The following PIGT variants were observed in gnomAD, a reference collection of about 807,000 sequenced individuals.
PIGT encodes the protein phosphatidylinositol glycan anchor biosynthesis class T.
A neutral mutation model predicts 66.7 loss-of-function variants in PIGT; 57 were observed. That is an observed-to-expected ratio of 0.86 (90% confidence interval 0.69 to 1.07). The LOEUF is 1.07. Among genes scored for constraint, PIGT ranks in the 50% least tolerant of loss-of-function variants. The pLI is 0.00. For synonymous variants in PIGT, 362 were observed against 320.5 expected (o/e 1.13, Z -1.38); for missense variants, 725 against 740.4 (o/e 0.98, Z 0.24).
intron 11 of PIGT, 34 bp downstream of exon 11, chr20:45,424,613 T>C: frequency 6.4e-7 from 1 of 1,550,960 alleles, no homozygotes; most frequent in East Asian, 2.2e-5. Flanking sequence ...TAACACATCC[T>C]CAGCTGCCTG....
chr20:45,424,088 C>T, intron 9 of PIGT, 128 bp from the exon 10 acceptor site: 2 of 762,154 alleles, frequency 2.6e-6, no homozygotes, highest in South Asian at 1.6e-5. Context: ...CCTTGCCTGC[C>T]TGGCTTCTAT....
intron 6 of PIGT, 40 bp downstream of exon 6, chr20:45,420,263 A>G: frequency 6.3e-7 from 1 of 1,597,314 alleles, no homozygotes; most frequent in South Asian, 1.1e-5. Flanking sequence ...CACCCATGCC[A>G]GCCCTGCCTT....
In PIGT at chr20:45,425,806, C is replaced by A. The variant is rs774183841; in HGVS notation, c.1717C>A (p.Arg573=). 1.2e-6 allele frequency: 2 copies of A among 1,613,616 alleles called. No individual in the cohort carries two copies. Among genetic ancestry groups the A allele is most frequent in the Non-Finnish European group, 1.7e-6 (2 of 1,179,852 alleles). The change falls in exon 12 of 12, where the codon CGA becomes AGA. Residue 573 remains arginine (R), a synonymous_variant. Transcript: ENST00000279036. ...GCTGGCCAACCTTATCCGGCGCGCC[C>A]GAGGTGTCCCCCCACTCTGATTCTT... ...KRLANLIRRA[R]GVPPL
chr20:45,421,355 T>G, intron 8 of PIGT, 28 bp from the exon 9 acceptor site: 1 of 1,594,052 alleles, frequency 6.3e-7, no homozygotes, highest in Non-Finnish European at 8.6e-7. Context: ...CTTTGGCAGC[T>G]GTTAACTGTT....
intron 3 of PIGT, 135 bp from the exon 4 acceptor site, chr20:45,419,160 C>T (rs182320680): frequency 1.2e-5 from 13 of 1,057,734 alleles, no homozygotes; most frequent in Non-Finnish European, 1.8e-5. Flanking sequence ...GGGAGTCCTA[C>T]TCCCAGTTGG....
Position 45,420,514 on chromosome 20 carries a change from C to G in PIGT, c.868-14C>G, listed in dbSNP as rs759251620. The G allele has an allele frequency of 6.2e-7, 1 of 1,613,782 alleles. No homozygotes were observed. The highest frequency in any genetic ancestry group is 1.1e-5 in the South Asian group (1 of 91,078). On this transcript the variant is annotated splice_polypyrimidine_tract_variant and intron_variant, in intron 7 of 11. Coordinates refer to ENST00000279036, the MANE Select transcript of PIGT (RefSeq NM_015937.6). ...CTCTCTGCTTGCTTCTTAGCCCTGC[C>G]TTTGTGTCCCCAGGACAACGAGACA...
At chr20:45,424,171 G>A (rs1990563217) in intron 9 of PIGT, 45 bp from the exon 10 acceptor site, 4 of 1,587,770 alleles carry the variant, frequency 2.5e-6, no homozygotes, top group South Asian at 1.1e-5. Flanking sequence ...GCAGCAGGTA[G>A]CCTGACCCCA....
rs1990266205 is a variant in PIGT, at chr20:45,420,205, A to G, written c.751A>G (p.Thr251Ala). ...GTCAGTTGTATTTGATGCCTTCATC[A>G]CGGGGCAGGGAAAGAAAGGTAAGTT... is the stretch of plus-strand genomic sequence containing the variant. ...TLSVVFDAFI[T>A]GQGKKDWSLF... is the part of the protein sequence containing the mutation. Residue 251 changes from threonine to alanine, a missense_variant, in exon 6 of 12, where the codon ACG (threonine) becomes GCG (alanine). Coordinates refer to ENST00000279036, the MANE Select transcript of PIGT (RefSeq NM_015937.6). The G allele has an allele frequency of 6.2e-7, 1 of 1,611,756 alleles. No homozygotes were observed. The highest frequency in any genetic ancestry group is 8.5e-7 in the Non-Finnish European group (1 of 1,178,856).
Position 45,421,661 on chromosome 20 carries a change from C to T in PIGT, c.1234+78C>T, listed in dbSNP as rs1044200962. ...CCAGGTCCCCCAAACTCTCATTTCC[C>T]AGGGTAGTTCCTGAAGTACCTCTGA... On this transcript the variant is annotated intron_variant, in intron 9 of 11. Transcript: ENST00000279036. 5.0e-6 allele frequency: 6 copies of T among 1,200,798 alleles called. No homozygotes were observed. In the Admixed American group the frequency reaches 7.9e-5, roughly 16 times the overall value. The allele number at this position is 1,200,798 out of a possible 1,614,324, so 74.4% of individuals were successfully genotyped here.
At chr20:45,425,378 C>T in intron 11 of PIGT, 196 bp from the exon 12 acceptor site, 1 of 590,368 alleles carries the variant, frequency 1.7e-6, no homozygotes, top group African/African-American at 1.9e-5. Context: ...TCCTAATGCT[C>T]TCCCTCCCCT....
intron 9 of PIGT, chr20:45,422,603 AAT>A (rs1491150479): frequency 5.3e-5 from 8 of 151,922 alleles, no homozygotes; most frequent in African/African-American, 1.9e-4. Context: ...CCATGCCTTT[AAT>A]TTTTTCACAG....
rs752927851 is a variant in PIGT, at chr20:45,421,444, G to A, written c.1095G>A (p.Lys365=). Residue 365 remains lysine, a synonymous_variant, in exon 9 of 12, where the codon AAG becomes AAA. Coordinates refer to ENST00000279036, the MANE Select transcript of PIGT (RefSeq NM_015937.6). ...QRYVSGYGLQ[K]GELSTLLYNT... ...ACGTGAGTGGCTATGGGCTGCAGAA[G>A]GGGGAGCTGAGCACACTGCTGTACA... The A allele has an allele frequency of 6.2e-7, 1 of 1,614,064 alleles. No homozygotes were observed. Among genetic ancestry groups the A allele is most frequent in the Non-Finnish European group, 8.5e-7 (1 of 1,180,034 alleles).
chr20:45,422,016 AT>A (rs962037296), intron 9 of PIGT: 4 of 152,072 alleles, frequency 2.6e-5, no homozygotes, highest in African/African-American at 7.2e-5. Flanking sequence ...AGTTAATTAA[AT>A]TTTTTTATTT....
Position 45,425,921 on chromosome 20 carries a change from T to G in PIGT, c.*95T>G. ...CACTTGCTCTCCTCAGAGTTGGCTTTTGAACCAAAGTGCCCTGGACCAGGT... is the reference window on the plus strand; with the variant it reads ...CACTTGCTCTCCTCAGAGTTGGCTTGTGAACCAAAGTGCCCTGGACCAGGT... On this transcript the variant is annotated 3_prime_UTR_variant, in exon 12 of 12. Transcript: ENST00000279036. 6.9e-7 allele frequency: 1 copy of G among 1,451,824 alleles called. No homozygotes were observed. Among genetic ancestry groups the G allele is most frequent in the South Asian group, 1.4e-5 (1 of 73,570 alleles). 89.9% of individuals were successfully genotyped at this position (1,451,824 alleles called of 1,614,324 possible).
At position 45,421,411 on chromosome 20, in the gene PIGT, C is replaced by G. The variant is rs776457900; in HGVS notation, c.1062C>G (p.Ala354=). 3 of 1,614,068 alleles carry G rather than the reference C, an allele frequency of 1.9e-6. 1 individual carries two copies. Among genetic ancestry groups the G allele is most frequent in the South Asian group, 2.2e-5 (2 of 91,080 alleles). The change falls in exon 9 of 12, where the codon GCC becomes GCG. Residue 354 remains alanine (A), a synonymous_variant. Coordinates refer to ENST00000279036, the MANE Select transcript of PIGT (RefSeq NM_015937.6). ...NEAPPVPFLH[A]QRYVSGYGLQ... ...CCCCCCCAGTGCCCTTCCTGCATGC[C>G]CAGCGGTACGTGAGTGGCTATGGGC...
rs1990386623 is a variant in PIGT at position 45,421,821 on chromosome 20, G to A, written c.1234+238G>A. On this transcript the variant is annotated intron_variant, in intron 9 of 11. Coordinates refer to ENST00000279036, the MANE Select transcript of PIGT (RefSeq NM_015937.6). ...AATACTGGTGATTCTTAATAGGACTGTACAAGGACAGTAGCTTCCTTTTTC... is the reference window on the plus strand; with the variant it reads ...AATACTGGTGATTCTTAATAGGACTATACAAGGACAGTAGCTTCCTTTTTC... 4.6e-5 allele frequency: 23 copies of A among 498,150 alleles called. No individual in the cohort carries two copies. The South Asian group carries it at 5.8e-4, about 12-fold the overall frequency. 30.9% of individuals were successfully genotyped at this position (498,150 alleles called of 1,614,324 possible).
rs774063871 is a variant in PIGT at position 45,416,266 on chromosome 20, C to A, written c.110C>A (p.Thr37Asn). The change falls in exon 1 of 12, where the codon ACC (threonine) becomes AAC (asparagine). Residue 37 changes from threonine (T) to asparagine (N), a missense_variant. Around this residue, in one of 3 missense-constraint regions of PIGT, gnomAD observed 559 missense variants for 552.7 expected, o/e 1.01. Coordinates refer to ENST00000279036, the MANE Select transcript of PIGT (RefSeq NM_015937.6). ...AGCCTGCGGGAGGAACTTGTCATCA[C>A]CCCGCTGCCTTCCGGGGACGTAGCC... ...RDSLREELVI[T>N]PLPSGDVAAT... The A allele has an allele frequency of 9.4e-6, 15 of 1,595,138 alleles. No homozygotes were observed. The highest frequency in any genetic ancestry group is 2.7e-5 in the African/African-American group (2 of 74,532).
chr20:45,419,977 CG>C, intron 5 of PIGT, 158 bp from the exon 6 acceptor site: 3 of 626,142 alleles, frequency 4.8e-6, no homozygotes, highest in Non-Finnish European at 8.6e-6. Context: ...GCTGTCAGCA[CG>C]GGGTCTGGCA....
chr20:45,422,688 C>T (rs944284271), intron 9 of PIGT: 1 of 152,330 alleles, frequency 6.6e-6, no homozygotes, highest in African/African-American at 2.4e-5. Flanking sequence ...GCCTCAGTCT[C>T]CTAAAGTGCT....
Sources: gnomAD v4.1 joint callset for allele counts on GRCh38, gnomAD v4.1.1 for gene constraint, gnomAD v4.1.1 regional missense constraint, MANE v1.5 for transcripts, NCBI Gene and HGNC (gene_info 2026-07-23, HGNC 2026-07-21) for gene names.